The following MYO1D variants were observed in gnomAD, a reference collection of about 807,000 sequenced individuals.
MYO1D encodes unconventional myosin-Id.
In MYO1D, 83 loss-of-function variants were observed where a neutral mutation model predicts 122.0. The observed-to-expected ratio is 0.68, with a 90% CI of 0.57 to 0.82. The LOEUF (loss-of-function observed/expected upper bound fraction) is 0.82, where lower values mean the gene tolerates loss of function less well. Ranked by LOEUF, MYO1D falls within the 40% of genes least tolerant of loss-of-function variation. MYO1D has a pLI of 0.00. For missense variants in MYO1D, 1,157 were observed against 1,269.5 expected, an observed-to-expected ratio of 0.91 and a Z score of 1.35; for synonymous variants, 464 against 446.9, an observed-to-expected ratio of 1.04 and a Z score of -0.48.
At chr17:32,766,926 T>C (rs1235028589) in intron 7 of MYO1D, among the ~76,000 whole-genome samples, 1 of 152,244 alleles carries the variant, frequency 6.6e-6, no homozygotes, top group Non-Finnish European at 1.5e-5. Flanking sequence ...GGAACATTTA[T>C]TGTTTATATT....
chr17:32,492,661 A>G lies in MYO1D; in HGVS notation c.*2098T>C, dbSNP rs1414948814. The G allele has an allele frequency of 6.6e-6, 1 of 152,632 alleles. No individual in the cohort carries two copies. Among genetic ancestry groups the G allele is most frequent in the Non-Finnish European group, 1.5e-5 (1 of 68,030 alleles). The allele number at this position is 152,632 out of a possible 1,614,324, so 9.5% of individuals were successfully genotyped here. On this transcript the variant is annotated 3_prime_UTR_variant, in exon 22 of 22. Transcript: ENST00000318217. ...TGGCAAATCAAAATATGCTTTAGAAATAAAGTTAATTTACTGGAAAATAGG... is the reference window on the plus strand; with the variant it reads ...TGGCAAATCAAAATATGCTTTAGAAGTAAAGTTAATTTACTGGAAAATAGG...
At chr17:32,714,054 T>C (rs988314032) in intron 15 of MYO1D, among the ~76,000 whole-genome samples, 1 of 152,034 alleles carries the variant, frequency 6.6e-6, no homozygotes, top group African/African-American at 2.4e-5. Flanking sequence ...CTTTCTTTTT[T>C]TTTTTTAATA....
chr17:32,659,996 T>A (rs987503483), intron 16 of MYO1D, among the ~76,000 whole-genome samples: 2 of 152,220 alleles, frequency 1.3e-5, no homozygotes, highest in Non-Finnish European at 2.9e-5. Flanking sequence ...GATACTTATT[T>A]TTTTTCAGGA....
At chr17:32,498,465 C>T (rs1301752609) in intron 21 of MYO1D, 3 of 152,226 alleles carry the variant, frequency 2.0e-5, no homozygotes, top group Non-Finnish European at 4.4e-5. Flanking sequence ...CTCTGTCTGG[C>T]TTTTACAACC....
At chr17:32,730,402 A>G (rs1424020006) in intron 14 of MYO1D, among the ~76,000 whole-genome samples, 3 of 152,170 alleles carry the variant, frequency 2.0e-5, no homozygotes, top group Middle Eastern at 3.2e-3. Flanking sequence ...ACATGCATCT[A>G]CGTATTTACC....
intron 21 of MYO1D, among the ~76,000 whole-genome samples, chr17:32,577,280 G>T (rs114927845): frequency 5.3e-5 from 8 of 150,452 alleles, no homozygotes; most frequent in Non-Finnish European, 1.0e-4. Context: ...ATGAGGTACC[G>T]TACCCGGCCT....
chr17:32,558,105 CAA>C (rs2087084177), intron 21 of MYO1D, among the ~76,000 whole-genome samples: 1 of 152,078 alleles, frequency 6.6e-6, no homozygotes, highest in African/African-American at 2.4e-5. Flanking sequence ...TATTGTGGAT[CAA>C]AGTTTGTCAA....
At chr17:32,546,004 A>C (rs2086962263) in intron 21 of MYO1D, among the ~76,000 whole-genome samples, 2 of 152,140 alleles carry the variant, frequency 1.3e-5, no homozygotes, top group African/African-American at 4.8e-5. Flanking sequence ...GAAAGCTTCT[A>C]GTGGAGACTC....
chr17:32,544,277 A>AT (rs950906987), intron 21 of MYO1D, among the ~76,000 whole-genome samples: 63 of 148,828 alleles, frequency 4.2e-4, no homozygotes, highest in African/African-American at 1.6e-3. Context: ...AAAAAAAAAA[A>AT]ATTTGTAGAG....
chr17:32,745,236 C>G lies in MYO1D; in HGVS notation c.1588G>C (p.Asp530His). The change falls in exon 13 of 22, where the codon GAT becomes CAT. Residue 530 changes from aspartate to histidine, a missense_variant. Physicochemically the swap from Asp to His is moderately conservative, Grantham distance 81 (BLOSUM62 -1). Transcript: ENST00000318217. ...IDKNKDTLFQ[D>H]FKRLMYNSSN... ...CTGTTATACATAAGGCGCTTGAAAT[C>G]TTGAAATAAAGTATCTTTATTTTTG... The G allele has an allele frequency of 6.5e-7, 1 of 1,541,228 alleles. No individual in the cohort carries two copies. The highest frequency in any genetic ancestry group is 8.9e-7 in the Non-Finnish European group (1 of 1,120,056).
intron 1 of MYO1D, among the ~76,000 whole-genome samples, chr17:32,873,346 A>G (rs984855539): frequency 6.6e-6 from 1 of 152,198 alleles, no homozygotes; most frequent in African/African-American, 2.4e-5. Flanking sequence ...CCAGGTGGGA[A>G]GGGAGGACAG....
intron 13 of MYO1D, among the ~76,000 whole-genome samples, chr17:32,741,544 T>C (rs944501535): frequency 4.6e-5 from 7 of 152,186 alleles, no homozygotes; most frequent in African/African-American, 1.7e-4. Flanking sequence ...CCTTTATTTG[T>C]TGGGTTTATC....
At position 32,876,882 on chromosome 17, in the gene MYO1D, G is replaced by A. The variant is rs573982351; in HGVS notation, c.-10C>T. ...TCTCCTGCTCCGCCATGGCGCCAGC[G>A]CGGGGGCTCAGGTGGGCGCGCTCGG... On this transcript the variant is annotated 5_prime_UTR_variant, in exon 1 of 22. Coordinates refer to ENST00000318217, the MANE Select transcript of MYO1D (RefSeq NM_015194.3). The A allele has an allele frequency of 2.7e-6, 4 of 1,472,968 alleles. No individual in the cohort carries two copies. The highest frequency in any genetic ancestry group is 2.9e-5 in the African/African-American group (2 of 68,136). 91.2% of individuals were successfully genotyped at this position (1,472,968 alleles called of 1,614,324 possible). A position where few individuals can be genotyped will look rare whatever the true frequency, so the allele number is the denominator to read the frequency against.
intron 16 of MYO1D, among the ~76,000 whole-genome samples, chr17:32,695,281 G>A (rs1392347064): frequency 6.6e-6 from 1 of 152,218 alleles, no homozygotes; most frequent in Non-Finnish European, 1.5e-5. Context: ...ATGCTCCTAT[G>A]AGAATCCAAT....
At chr17:32,611,604 C>G (rs1265828267) in intron 20 of MYO1D, among the ~76,000 whole-genome samples, 1 of 152,158 alleles carries the variant, frequency 6.6e-6, no homozygotes, top group Non-Finnish European at 1.5e-5. Flanking sequence ...TTTGGGAGGC[C>G]AAGACGGGAG....
chr17:32,865,182 T>C (rs942508913), intron 1 of MYO1D, among the ~76,000 whole-genome samples: 6 of 152,162 alleles, frequency 3.9e-5, no homozygotes, highest in African/African-American at 1.4e-4. Flanking sequence ...GTTTTTTTCA[T>C]GGGATTTGAC....
chr17:32,565,321 T>C (rs2087162581), intron 21 of MYO1D, among the ~76,000 whole-genome samples: 1 of 152,192 alleles, frequency 6.6e-6, no homozygotes, highest in Non-Finnish European at 1.5e-5. Context: ...AATACCTTCA[T>C]GTGCAAAAAC....
At chr17:32,727,900 C>G (rs1410961731) in intron 14 of MYO1D, among the ~76,000 whole-genome samples, 1 of 152,072 alleles carries the variant, frequency 6.6e-6, no homozygotes, top group Non-Finnish European at 1.5e-5. Context: ...GCTGGCATAG[C>G]TATATTATTC....
At chr17:32,772,485 T>C (rs2151023787) in intron 5 of MYO1D, among the ~76,000 whole-genome samples, 1 of 152,348 alleles carries the variant, frequency 6.6e-6, no homozygotes, top group East Asian at 1.9e-4. Context: ...GAATGTACCA[T>C]TTCAAAAGCT....
Sources: gnomAD v4.1 joint callset for allele counts (sites outside exome capture counted in the v4.1 genomes callset) on GRCh38, gnomAD v4.1.1 for gene constraint, MANE v1.5 for transcripts, NCBI Gene and HGNC (gene_info 2026-07-23, HGNC 2026-07-21) for gene names.